CFAP47: variants seen among roughly 807,000 people sequenced by gnomAD.
CFAP47 encodes cilia and flagella associated protein 47, also known as cilia- and flagella-associated protein 47.
A neutral mutation model predicts 148.1 loss-of-function variants in CFAP47; 29 were observed. The ratio of observed to expected loss-of-function variants is 0.20; its 90% CI spans 0.15 to 0.27. The LOEUF is 0.27. Ranked by LOEUF, CFAP47 falls within the 10% of genes least tolerant of loss-of-function variation. CFAP47 has a pLI of 1.00. For synonymous variants in CFAP47, 664 were observed against 577.3 expected (o/e 1.15, Z -2.15); for missense variants, 1,872 against 1,697.5 (o/e 1.10, Z -1.81).
chrX:35,987,618 G>T (rs975144957), intron 15 of CFAP47, among the ~76,000 whole-genome samples: 5 of 111,101 alleles, frequency 4.5e-5, no homozygotes, highest in Non-Finnish European at 9.4e-5. Flanking sequence ...GGAGTAAACC[G>T]TTCTGTCTCA....
At chrX:35,968,518 T>A (rs1308372013) in intron 10 of CFAP47, among the ~76,000 whole-genome samples, 1 of 111,780 alleles carries the variant, frequency 8.9e-6, no homozygotes, top group African/African-American at 3.2e-5. Context: ...TAAGTTTTTT[T>A]ATTTTTTTCT....
chrX:36,048,314 G>T (rs1937490243), intron 26 of CFAP47, among the ~76,000 whole-genome samples: 1 of 111,611 alleles, frequency 9.0e-6, no homozygotes, highest in Admixed American at 9.5e-5. Context: ...TAAAGAAAGG[G>T]GGCAAATCCT....
chrX:36,171,013 A>C (rs1427191755), intron 39 of CFAP47, among the ~76,000 whole-genome samples: 1 of 110,900 alleles, frequency 9.0e-6, no homozygotes, highest in African/African-American at 3.3e-5. Context: ...ATGGTATCTC[A>C]TTGTGGTTTT....
intron 57 of CFAP47, among the ~76,000 whole-genome samples, chrX:36,344,962 G>T (rs1941685218): frequency 9.0e-6 from 1 of 111,625 alleles, no homozygotes; most frequent in Non-Finnish European, 1.9e-5. Context: ...TACCTTGAAG[G>T]GAGGTTTATA....
At position 36,232,713 on chromosome X, in the gene CFAP47, T is replaced by G. The variant is rs1370954864; in HGVS notation, c.7015-3221T>G. On this transcript the variant is annotated intron_variant, in intron 46 of 63. Transcript: ENST00000378653. ...TTCTTTTAATTGTGGTGTTAGGGTG[T>G]CAATTTTAGATCTTTCCTGCTTTCT... 2.7e-5 allele frequency among the ~76,000 whole-genome samples: 3 copies of G among 112,050 alleles called. No homozygotes were observed. In the East Asian group the frequency reaches 8.4e-4, roughly 31 times the overall value.
intron 37 of CFAP47, among the ~76,000 whole-genome samples, chrX:36,156,145 C>G (rs1351099923): frequency 9.0e-6 from 1 of 110,717 alleles, no homozygotes. Context: ...AGGTGGCTCT[C>G]TTTAGTTAGG....
rs193057395 is a variant in CFAP47 at position 36,240,242 on chromosome X, G to A, written c.7332+3383G>A. On this transcript the variant is annotated intron_variant, in intron 48 of 63. Coordinates refer to ENST00000378653, the MANE Select transcript of CFAP47 (RefSeq NM_001304548.2). ...AAAAGGACAAGGAAGCAAAGAAACA[G>A]GAAAGTATGACCAATGCACAAAAAA... Among the ~76,000 whole-genome samples the A allele has an allele frequency of 5.2e-3, 576 of 111,583 alleles. 1 individual carries two copies. Among genetic ancestry groups the A allele is most frequent in the African/African-American group, 0.018 (548 of 30,744 alleles).
chrX:35,952,008 A>C, intron 6 of CFAP47, 45 bp downstream of exon 6: 1 of 1,116,192 alleles, frequency 9.0e-7, no homozygotes, highest in Non-Finnish European at 1.2e-6. Context: ...ATTAATGGAA[A>C]GTATATTAAC....
intron 57 of CFAP47, among the ~76,000 whole-genome samples, chrX:36,339,149 T>C (rs1374602287): frequency 8.9e-6 from 1 of 112,100 alleles, no homozygotes; most frequent in African/African-American, 3.2e-5. Context: ...TTGCACAAAA[T>C]GGAATTATCT....
chrX:35,932,244 TTTTCTTTC>T (rs780392333), intron 2 of CFAP47, among the ~76,000 whole-genome samples: 26 of 106,280 alleles, frequency 2.4e-4, no homozygotes, highest in African/African-American at 5.9e-4. Flanking sequence ...TTTTCTTTTC[TTTTCTTTC>T]TTTCTTTCTT....
chrX:36,307,535 G>A (rs781883166), intron 55 of CFAP47, among the ~76,000 whole-genome samples: 9 of 111,056 alleles, frequency 8.1e-5, no homozygotes, highest in African/African-American at 2.6e-4. Flanking sequence ...CAGCTACTTA[G>A]TTAGCCAAGT....
chrX:36,210,819 T>C (rs1188456455), intron 45 of CFAP47, among the ~76,000 whole-genome samples: 2 of 112,782 alleles, frequency 1.8e-5, no homozygotes, highest in Non-Finnish European at 3.7e-5. Flanking sequence ...ATCTTTCTTG[T>C]AAGACTTTCA....
At chrX:36,118,579 C>T in intron 33 of CFAP47, among the ~76,000 whole-genome samples, 1 of 110,866 alleles carries the variant, frequency 9.0e-6, no homozygotes, top group East Asian at 2.9e-4. Flanking sequence ...ACACCATTCT[C>T]CTGCCTCAGC....
chrX:36,082,796 T>C (rs772492711), intron 29 of CFAP47, among the ~76,000 whole-genome samples: 1 of 111,622 alleles, frequency 9.0e-6, no homozygotes, highest in Admixed American at 9.6e-5. Context: ...AGTAGAATGT[T>C]TTATCTTTCA....
intron 26 of CFAP47, among the ~76,000 whole-genome samples, chrX:36,064,436 G>A (rs1261239844): frequency 8.9e-6 from 1 of 111,949 alleles, no homozygotes; most frequent in Non-Finnish European, 1.9e-5. Flanking sequence ...TTATATCAAT[G>A]TATAAAGAGA....
chrX:36,234,480 A>C (rs1555993603), intron 46 of CFAP47, among the ~76,000 whole-genome samples: 2 of 111,650 alleles, frequency 1.8e-5, no homozygotes, highest in Non-Finnish European at 3.8e-5. Flanking sequence ...TCCTTTAAGC[A>C]CTTCTCTGTA....
intron 63 of CFAP47, among the ~76,000 whole-genome samples, chrX:36,382,016 G>A (rs1942082875): frequency 9.0e-6 from 1 of 111,261 alleles, no homozygotes; most frequent in Non-Finnish European, 1.9e-5. Context: ...TGAAATTGTG[G>A]GAAATGGCAT....
chrX:36,301,068 C>T lies in CFAP47; in HGVS notation c.7863-4C>T. 1 of 1,111,108 alleles carries T rather than the reference C, an allele frequency of 9.0e-7. No individual in the cohort carries two copies. Among genetic ancestry groups the T allele is most frequent in the South Asian group, 2.0e-5 (1 of 49,337 alleles). The allele number at this position is 1,111,108 out of a possible 1,213,427, so 91.6% of individuals were successfully genotyped here. ...ACAAAATTTTGTGTATTTCTCTCCA[C>T]CAGCATTATTTTTCAGCCTGAAATG... On this transcript the variant is annotated splice_region_variant and splice_polypyrimidine_tract_variant and intron_variant, in intron 52 of 63. Transcript: ENST00000378653.
intron 60 of CFAP47, among the ~76,000 whole-genome samples, chrX:36,354,351 C>G (rs6527559): frequency 0.33 from 34,910 of 106,858 alleles, 6,998 homozygotes; most frequent in African/African-American, 0.73. Context: ...TGTGGTGGCA[C>G]ACACCTGTAA....
Sources: gnomAD v4.1 joint callset for allele counts (sites outside exome capture counted in the v4.1 genomes callset) on GRCh38, gnomAD v4.1.1 for gene constraint, MANE v1.5 for transcripts, NCBI Gene and HGNC (gene_info 2026-07-23, HGNC 2026-07-21) for gene names.